The following ARHGEF18 variants were observed in gnomAD, a reference collection of about 807,000 sequenced individuals.
ARHGEF18 encodes the protein Rho/Rac guanine nucleotide exchange factor 18, also known as rho guanine nucleotide exchange factor 18.
Under a neutral mutation model 155.7 loss-of-function variants are expected in ARHGEF18, and 93 were observed. The observed-to-expected ratio is 0.60, with a 90% CI of 0.50 to 0.71. The LOEUF (loss-of-function observed/expected upper bound fraction) is 0.71. ARHGEF18 is among the 30% of genes least tolerant of loss of function. The pLI is 0.00. For missense variants in ARHGEF18, 1,593 were observed against 1,816.1 expected, an observed-to-expected ratio of 0.88 and a Z score of 2.23; for synonymous variants, 742 against 753.1, an observed-to-expected ratio of 0.99 and a Z score of 0.24.
At chr19:7,464,145 C>A (rs1976467993) in intron 22 of ARHGEF18, among the ~76,000 whole-genome samples, 190 bp downstream of exon 22, 1 of 152,206 alleles carries the variant, frequency 6.6e-6, no homozygotes, top group Non-Finnish European at 1.5e-5. Flanking sequence ...TCAAGTGATT[C>A]TCCCGCCTCA....
At chr19:7,358,647 G>T (rs10796331) in intron 1 of ARHGEF18, among the ~76,000 whole-genome samples, 122,908 of 152,196 alleles carry the variant, frequency 0.81, 52,649 homozygotes, top group Non-Finnish European at 0.95. Flanking sequence ...CAACACAGCA[G>T]AGGATAGCCT....
intron 2 of ARHGEF18, among the ~76,000 whole-genome samples, chr19:7,366,748 T>A (rs1969904370): frequency 6.6e-6 from 1 of 152,130 alleles, no homozygotes; most frequent in Admixed American, 6.6e-5. Context: ...TCCTGAAATT[T>A]ATTTATTTTA....
chr19:7,384,063 G>A (rs1397423752), intron 10 of ARHGEF18, among the ~76,000 whole-genome samples: 1 of 152,192 alleles, frequency 6.6e-6, no homozygotes, highest in African/African-American at 2.4e-5. Flanking sequence ...GGTGGCAACT[G>A]CGTGTTAGAA....
At chr19:7,431,794 A>G (rs1973988180) in intron 10 of ARHGEF18, among the ~76,000 whole-genome samples, 1 of 152,258 alleles carries the variant, frequency 6.6e-6, no homozygotes, top group Non-Finnish European at 1.5e-5. Context: ...AGCCTGGGCA[A>G]CAAGAGCGAA....
At chr19:7,385,981 CCTCTCTCT>C (rs375525387) in intron 10 of ARHGEF18, among the ~76,000 whole-genome samples, 6 of 74,370 alleles carry the variant, frequency 8.1e-5, no homozygotes, top group Non-Finnish European at 1.4e-4. Flanking sequence ...TCCCTCTCTC[CCTCTCTCT>C]CTCTCTCCCT....
In ARHGEF18 at chr19:7,466,919, T is replaced by G. The variant is rs767838506; in HGVS notation, c.2906T>G (p.Val969Gly). The change falls in exon 24 of 29, where the codon GTG becomes GGG. Residue 969 changes from valine to glycine, a missense_variant and splice_region_variant. Physicochemically the swap from Val to Gly is moderately radical, Grantham distance 109. Transcript: ENST00000668164. ...PGSSEESPQV[V>G]EAPGTESDPR... Reference sequence around the variant, plus strand: ...GGTTTGACGGTGTCCTCTTCCCAGGTGGAGGCGCCAGGCACGGAATCCGAT... The same window carrying G: ...GGTTTGACGGTGTCCTCTTCCCAGGGGGAGGCGCCAGGCACGGAATCCGAT... The G allele has an allele frequency of 8.1e-6, 13 of 1,612,110 alleles. No homozygotes were observed. The highest frequency in any genetic ancestry group is 1.1e-5 in the Non-Finnish European group (13 of 1,179,784).
chr19:7,444,383 C>G lies in ARHGEF18; in HGVS notation c.1540C>G (p.Gln514Glu). 1 of 1,613,726 alleles carries G rather than the reference C, an allele frequency of 6.2e-7. No homozygotes were observed. The highest frequency in any genetic ancestry group is 8.5e-7 in the Non-Finnish European group (1 of 1,180,040). The change falls in exon 14 of 29, where the codon CAG becomes GAG. Residue 514 changes from glutamine (Q) to glutamate (E), a missense_variant. Physicochemically the swap from Gln to Glu is conservative, Grantham distance 29 (BLOSUM62 2). Transcript: ENST00000668164. This position sits in a 1 kb window ranked among gnomAD's most constrained non-coding sequence, Gnocchi z 4.7. ...CCTCGCTCGGCTCAAGGAGCGCCGC[C>G]AGGAGTCCCTGGAGGAGGGCAGTGA... is the stretch of plus-strand genomic sequence containing the variant. ...HFLARLKERR[Q>E]ESLEEGSDRN...
intron 10 of ARHGEF18, among the ~76,000 whole-genome samples, chr19:7,389,031 G>C (rs1971241035): frequency 6.6e-6 from 1 of 151,934 alleles, no homozygotes; most frequent in South Asian, 2.1e-4. Flanking sequence ...TGTTGCCCAG[G>C]CTGGAGTGCG....
chr19:7,408,903 A>T lies in ARHGEF18; in HGVS notation c.967+25700A>T, dbSNP rs934045946. Among the ~76,000 whole-genome samples the T allele has an allele frequency of 9.9e-4, 151 of 151,804 alleles. 1 individual carries two copies. Among genetic ancestry groups the T allele is most frequent in the Non-Finnish European group, 4.4e-4 (30 of 67,952 alleles). ...CAAAAAGAAATATATAAACTTACACACGCGTGGTGACTACAGGTAGGTAGT... is the reference window on the plus strand; with the variant it reads ...CAAAAAGAAATATATAAACTTACACTCGCGTGGTGACTACAGGTAGGTAGT... On this transcript the variant is annotated intron_variant, in intron 10 of 28. Coordinates refer to ENST00000668164, the MANE Select transcript of ARHGEF18 (RefSeq NM_001367823.1).
chr19:7,431,543 C>T (rs1436290597), intron 10 of ARHGEF18, among the ~76,000 whole-genome samples: 2 of 145,246 alleles, frequency 1.4e-5, no homozygotes, highest in Non-Finnish European at 3.0e-5. Context: ...AGGCCGGGCT[C>T]AGTGGCTCAC....
At position 7,453,563 on chromosome 19, in the gene ARHGEF18, G is replaced by A; in HGVS notation, c.1952G>A (p.Gly651Asp). The A allele has an allele frequency of 6.2e-7, 1 of 1,614,054 alleles. No individual in the cohort carries two copies. The highest frequency in any genetic ancestry group is 8.5e-7 in the Non-Finnish European group (1 of 1,179,970). The change falls in exon 17 of 29, where the codon GGC (glycine) becomes GAC (aspartate). Residue 651 changes from glycine to aspartate, a missense_variant. Physicochemically the swap from Gly to Asp is moderately conservative, Grantham distance 94. Coordinates refer to ENST00000668164, the MANE Select transcript of ARHGEF18 (RefSeq NM_001367823.1). ...GCCAAGGTCAGTGAGTGTGAGAAGG[G>A]CCAGCGCCTCAGGGAGATCGCAGGG... Reference protein sequence around the residue: ...VDAKVSECEKGQRLREIAGKM... With the variant: ...VDAKVSECEKDQRLREIAGKM...
rs1205918528 is a variant in ARHGEF18, at chr19:7,470,218, C to T, written c.4006C>T (p.Pro1336Ser). The T allele has an allele frequency of 9.3e-6, 15 of 1,608,748 alleles. No homozygotes were observed. The highest frequency in any genetic ancestry group is 1.3e-5 in the African/African-American group (1 of 74,668). Residue 1336 changes from proline to serine, a missense_variant, in exon 29 of 29, where the codon CCC becomes TCC. By Grantham distance (74) the Pro-to-Ser change is moderately conservative. Coordinates refer to ENST00000668164, the MANE Select transcript of ARHGEF18 (RefSeq NM_001367823.1). This position sits in a 1 kb window ranked among gnomAD's most constrained non-coding sequence, Gnocchi z 5.9. ...CGGGGGCACAGCCCTCCTGCCCGGG[C>T]CCCCAGCTCCCTCGCCACTGCCGGC... ...KAGGTALLPGPPAPSPLPATP... is the reference protein window; with the variant it reads ...KAGGTALLPGSPAPSPLPATP...
chr19:7,369,122 G>T (rs1970076535), intron 2 of ARHGEF18, among the ~76,000 whole-genome samples: 1 of 152,046 alleles, frequency 6.6e-6, no homozygotes, highest in East Asian at 1.9e-4. Context: ...GAGGTCAGGA[G>T]TTCAAGAGCA....
At position 7,441,769 on chromosome 19, in the gene ARHGEF18, T is replaced by C. The variant is rs115001709; in HGVS notation, c.1219+4T>C. On this transcript the variant is annotated splice_donor_region_variant and intron_variant, in intron 12 of 28. Transcript: ENST00000668164. Reference sequence around the variant, plus strand: ...ACCGAGTCCATTTTTGTAGAAGGTATGGTCATCTCCGCTCTCTCGCGGCTG... The same window carrying C: ...ACCGAGTCCATTTTTGTAGAAGGTACGGTCATCTCCGCTCTCTCGCGGCTG... 5.7e-3 allele frequency: 9,186 copies of C among 1,613,994 alleles called. 64 individuals carry two copies. The highest frequency in any genetic ancestry group is 0.021 in the Middle Eastern group (129 of 6,062).
chr19:7,399,485 T>C (rs946027134), intron 10 of ARHGEF18, among the ~76,000 whole-genome samples: 6 of 150,092 alleles, frequency 4.0e-5, no homozygotes, highest in Non-Finnish European at 5.9e-5. Flanking sequence ...TTTTTTTTCC[T>C]TCTTTTTTTT....
At chr19:7,473,628 G>A (rs924817965), downstream of ARHGEF18, among the ~76,000 whole-genome samples, 2 of 152,110 alleles carry the variant, frequency 1.3e-5, no homozygotes, top group East Asian at 1.9e-4. Flanking sequence ...TGGCTAACAA[G>A]GTGAAACCCC....
chr19:7,468,725 C>T lies in ARHGEF18; in HGVS notation c.3481-100C>T. On this transcript the variant is annotated intron_variant, in intron 26 of 28. Coordinates refer to ENST00000668164, the MANE Select transcript of ARHGEF18 (RefSeq NM_001367823.1). ...AGGCTGCACCTGGCTCTGTCCAGAA[C>T]AGGAGAGGTCGAGGGTCTCCTGTGC... The T allele has an allele frequency of 4.6e-6, 6 of 1,299,562 alleles. No homozygotes were observed. In the South Asian group the frequency reaches 9.1e-5, roughly 20 times the overall value. 80.5% of individuals were successfully genotyped at this position (1,299,562 alleles called of 1,614,324 possible).
In ARHGEF18 at chr19:7,374,724, G is replaced by A. The variant is rs1389116491; in HGVS notation, c.276-996G>A. On this transcript the variant is annotated intron_variant, in intron 3 of 28. Transcript: ENST00000668164. ...AATCGACTGCATGCACACACTGCAA[G>A]CACACAAAAACCTAAATTTACACAC... Among the ~76,000 whole-genome samples the A allele has an allele frequency of 2.0e-5, 3 of 151,974 alleles. No homozygotes were observed. The East Asian group carries it at 5.8e-4, about 29-fold the overall frequency.
At chr19:7,374,839 G>A (rs989779957) in intron 3 of ARHGEF18, among the ~76,000 whole-genome samples, 2 of 152,160 alleles carry the variant, frequency 1.3e-5, no homozygotes, top group Non-Finnish European at 2.9e-5. Context: ...GCATACGCAT[G>A]AAGCCACCAT....
Sources: allele counts gnomAD v4.1 joint callset (sites outside exome capture counted in the v4.1 genomes callset), GRCh38; gene constraint gnomAD v4.1.1; non-coding constraint Gnocchi (gnomAD v3.1); transcripts MANE v1.5; gene names NCBI Gene and HGNC (gene_info 2026-07-23, HGNC 2026-07-21).